The following DKK2 variants were observed in gnomAD, a reference collection of about 807,000 sequenced individuals.
DKK2 encodes dickkopf-related protein 2.
Under a neutral mutation model 28.1 loss-of-function variants are expected in DKK2, and 11 were observed. The ratio of observed to expected loss-of-function variants is 0.39; its 90% CI spans 0.25 to 0.65. The LOEUF is 0.65. DKK2 is among the 30% of genes least tolerant of loss of function. The pLI is 0.47. For synonymous variants in DKK2, 135 were observed against 126.5 expected, an observed-to-expected ratio of 1.07 and a Z score of -0.45; for missense variants, 326 against 335.5, an observed-to-expected ratio of 0.97 and a Z score of 0.22.
chr4:107,013,797 AG>A (rs1339468460), intron 1 of DKK2, among the ~76,000 whole-genome samples: 1 of 151,546 alleles, frequency 6.6e-6, no homozygotes, highest in African/African-American at 2.4e-5. Context: ...TGCATCTGAC[AG>A]GGGGTTGATA....
At chr4:106,970,600 T>G (rs1722856354) in intron 1 of DKK2, among the ~76,000 whole-genome samples, 1 of 152,080 alleles carries the variant, frequency 6.6e-6, no homozygotes, top group South Asian at 2.1e-4. Flanking sequence ...TCTCAAATGA[T>G]TGACTCAATA....
At chr4:106,997,350 A>G (rs1408222658) in intron 1 of DKK2, among the ~76,000 whole-genome samples, 1 of 152,192 alleles carries the variant, frequency 6.6e-6, no homozygotes, top group East Asian at 1.9e-4. Context: ...GTTACTAGAC[A>G]TCCTTTCCTG....
intron 1 of DKK2, among the ~76,000 whole-genome samples, chr4:107,024,200 C>A (rs1161737439): frequency 6.6e-6 from 1 of 151,944 alleles, no homozygotes; most frequent in Non-Finnish European, 1.5e-5. Flanking sequence ...ATACTGATAT[C>A]TATTATTGAG....
chr4:106,955,780 TA>T (rs374860850), intron 1 of DKK2, among the ~76,000 whole-genome samples: 72 of 144,486 alleles, frequency 5.0e-4, no homozygotes, highest in African/African-American at 1.8e-3. Context: ...AGAATACTGA[TA>T]AAAAAAAGAA....
intron 1 of DKK2, among the ~76,000 whole-genome samples, chr4:106,986,779 C>T (rs1723126720): frequency 6.6e-6 from 1 of 152,168 alleles, no homozygotes; most frequent in African/African-American, 2.4e-5. Context: ...CATTAACAAT[C>T]AGAATCCTTG....
intron 1 of DKK2, among the ~76,000 whole-genome samples, chr4:106,950,973 C>T (rs1724849926): frequency 6.6e-6 from 1 of 151,950 alleles, no homozygotes; most frequent in Non-Finnish European, 1.5e-5. Flanking sequence ...TATTATCATT[C>T]TACTAGTTGG....
intron 1 of DKK2, among the ~76,000 whole-genome samples, chr4:107,016,157 G>A (rs910019251): frequency 2.0e-5 from 3 of 151,842 alleles, no homozygotes; most frequent in African/African-American, 7.2e-5. Context: ...TACCTGAACA[G>A]CATTAGAGAA....
At chr4:106,950,652 G>A (rs528772243) in intron 1 of DKK2, among the ~76,000 whole-genome samples, 149 of 152,182 alleles carry the variant, frequency 9.8e-4, no homozygotes, top group Non-Finnish European at 1.1e-3. Context: ...CAGCATCCTT[G>A]GGCTGAGGGC....
intron 1 of DKK2, among the ~76,000 whole-genome samples, chr4:107,002,732 C>T (rs1027277825): frequency 1.3e-5 from 2 of 152,144 alleles, no homozygotes; most frequent in Non-Finnish European, 2.9e-5. Context: ...GGGTCTACTC[C>T]TTGTTGAAAT....
At chr4:106,957,377 A>G (rs1438644844) in intron 1 of DKK2, among the ~76,000 whole-genome samples, 1 of 152,040 alleles carries the variant, frequency 6.6e-6, no homozygotes, top group East Asian at 1.9e-4. Context: ...TAGAAATACC[A>G]TTTGACCCAG....
chr4:107,026,527 G>A (rs576990479), intron 1 of DKK2, among the ~76,000 whole-genome samples: 2 of 152,018 alleles, frequency 1.3e-5, no homozygotes, highest in Admixed American at 6.5e-5. Flanking sequence ...AAAAATGGAA[G>A]TATATTTAAA....
intron 1 of DKK2, among the ~76,000 whole-genome samples, chr4:107,021,840 C>T (rs1452581126): frequency 3.9e-5 from 6 of 152,062 alleles, no homozygotes; most frequent in African/African-American, 1.4e-4. Context: ...TAATGCCCAT[C>T]ACAATCAGAT....
chr4:106,933,208 TG>T (rs1443869312), intron 1 of DKK2, among the ~76,000 whole-genome samples: 1 of 152,290 alleles, frequency 6.6e-6, no homozygotes, highest in Non-Finnish European at 1.5e-5. Context: ...ATAGAACTGT[TG>T]CAAGATTACT....
intron 1 of DKK2, among the ~76,000 whole-genome samples, chr4:106,970,518 T>C (rs1722854957): frequency 6.6e-6 from 1 of 152,118 alleles, no homozygotes; most frequent in Non-Finnish European, 1.5e-5. Context: ...ATCATGATTA[T>C]ATAACCCTTC....
chr4:107,025,052 T>A (rs1723753228), intron 1 of DKK2, among the ~76,000 whole-genome samples: 1 of 152,054 alleles, frequency 6.6e-6, no homozygotes, highest in South Asian at 2.1e-4. Context: ...GAGGAAGAGG[T>A]TAACCATATC....
chr4:106,962,491 ATGTGTGTGTGTGTGTGTG>A lies in DKK2; in HGVS notation c.223-36560_223-36543del, dbSNP rs59831895. 5.3e-3 allele frequency among the ~76,000 whole-genome samples: 625 copies of A among 117,694 alleles called. 4 individuals are homozygous for A. Among genetic ancestry groups the A allele is most frequent in the South Asian group, 0.016 (47 of 2,902 alleles). The allele number at this position is 117,694 out of a possible 152,430, so 77.2% of individuals were successfully genotyped here. Reference sequence around the variant, plus strand: ...TTCAAGAAATGGAGCCAGAAAAACTATGTGTGTGTGTGTGTGTGTGTGTGTGTGTGTGTGTGTGTGTGT... The same window carrying A: ...TTCAAGAAATGGAGCCAGAAAAACTATGTGTGTGTGTGTGTGTGTGTGTGT... On this transcript the variant is annotated intron_variant, in intron 1 of 3. Coordinates refer to ENST00000285311, the MANE Select transcript of DKK2 (RefSeq NM_014421.3).
chr4:106,980,932 C>A (rs1723017679), intron 1 of DKK2, among the ~76,000 whole-genome samples: 1 of 152,168 alleles, frequency 6.6e-6, no homozygotes, highest in Non-Finnish European at 1.5e-5. Context: ...CATGGTCTCA[C>A]TTTGTCCTTA....
intron 1 of DKK2, among the ~76,000 whole-genome samples, chr4:106,963,968 C>A (rs1722730427): frequency 6.6e-6 from 1 of 152,086 alleles, no homozygotes; most frequent in Non-Finnish European, 1.5e-5. Context: ...TTCTTGACAA[C>A]TTTATTGTAA....
At position 106,964,498 on chromosome 4, in the gene DKK2, T is replaced by G. The variant is rs184009861; in HGVS notation, c.223-38549A>C. Among the ~76,000 whole-genome samples the G allele has an allele frequency of 2.6e-5, 4 of 152,246 alleles. No individual in the cohort carries two copies. The East Asian group carries it at 7.7e-4, about 29-fold the overall frequency. On this transcript the variant is annotated intron_variant, in intron 1 of 3. Transcript: ENST00000285311. ...AATTTATTGTATTTTTCAAAATAAC[T>G]AAGAGTGGAATTAGAATGTTCCTAT...
Sources: allele counts gnomAD v4.1 joint callset (sites outside exome capture counted in the v4.1 genomes callset), GRCh38; gene constraint gnomAD v4.1.1; transcripts MANE v1.5; gene names NCBI Gene and HGNC (gene_info 2026-07-23, HGNC 2026-07-21).